EXT1: variants seen among roughly 807,000 people sequenced by gnomAD.
EXT1 encodes exostosin-1.
Under a neutral mutation model 82.5 loss-of-function variants are expected in EXT1, and 20 were observed. The observed-to-expected ratio is 0.24, with a 90% CI of 0.17 to 0.35. EXT1 has a LOEUF of 0.35. EXT1 is among the 10% of genes least tolerant of loss of function. EXT1 has a pLI of 1.00. For synonymous variants in EXT1, 348 were observed against 350.8 expected (o/e 0.99, Z 0.09); for missense variants, 757 against 936.5 (o/e 0.81, Z 2.50).
chr8:118,078,201 A>T (rs1384915833), intron 1 of EXT1, among the ~76,000 whole-genome samples: 1 of 151,894 alleles, frequency 6.6e-6, no homozygotes, highest in East Asian at 1.9e-4. Context: ...GTTTATTTTT[A>T]TTTTATTTTA....
intron 7 of EXT1, among the ~76,000 whole-genome samples, chr8:117,815,825 G>C (rs2129729069): frequency 1.3e-5 from 2 of 152,128 alleles, no homozygotes; most frequent in South Asian, 4.2e-4. Context: ...AGCTACTGAG[G>C]AGGCTGAGGC....
intron 1 of EXT1, among the ~76,000 whole-genome samples, chr8:118,025,528 A>G (rs1816187414): frequency 1.3e-5 from 2 of 152,178 alleles, no homozygotes. Flanking sequence ...CCAAAGGGCT[A>G]CTTTCGAAAG....
At chr8:118,078,821 A>G (rs1817258123) in intron 1 of EXT1, among the ~76,000 whole-genome samples, 1 of 152,220 alleles carries the variant, frequency 6.6e-6, no homozygotes, top group Non-Finnish European at 1.5e-5. Context: ...AAGAAAAAAA[A>G]AGTCTCAAGT....
chr8:117,883,991 T>G (rs1157287157), intron 1 of EXT1, among the ~76,000 whole-genome samples: 1 of 152,198 alleles, frequency 6.6e-6, no homozygotes, highest in Non-Finnish European at 1.5e-5. Context: ...GAGTGTCACT[T>G]GGGGATTTGG....
chr8:117,888,854 G>A (rs965373923), intron 1 of EXT1, among the ~76,000 whole-genome samples: 2 of 152,116 alleles, frequency 1.3e-5, no homozygotes, highest in African/African-American at 4.8e-5. Context: ...AACTATTATA[G>A]TAAGTAATGC....
intron 1 of EXT1, among the ~76,000 whole-genome samples, chr8:118,076,865 A>T (rs1364273889): frequency 6.6e-6 from 1 of 152,210 alleles, no homozygotes; most frequent in East Asian, 1.9e-4. Context: ...AAGAATTATT[A>T]ATGAGCAAAT....
intron 1 of EXT1, among the ~76,000 whole-genome samples, chr8:117,978,636 C>A (rs1171805397): frequency 1.3e-5 from 2 of 152,152 alleles, no homozygotes; most frequent in Non-Finnish European, 2.9e-5. Context: ...CCCAGGAAAG[C>A]CCAGAAAGGT....
chr8:117,964,481 C>T (rs57858101), intron 1 of EXT1, among the ~76,000 whole-genome samples: 2,986 of 152,250 alleles, frequency 0.02, 38 homozygotes, highest in Middle Eastern at 0.034. Context: ...AGAATATCTC[C>T]TCTTCTGGTT....
At chr8:117,974,889 C>T (rs1804390385) in intron 1 of EXT1, among the ~76,000 whole-genome samples, 1 of 152,170 alleles carries the variant, frequency 6.6e-6, no homozygotes, top group African/African-American at 2.4e-5. Flanking sequence ...ATGAAAAGCA[C>T]TGGGCTTAGT....
intron 1 of EXT1, among the ~76,000 whole-genome samples, chr8:118,073,705 A>AAGCGAAGAGAAGAGG (rs1817150273): frequency 9.7e-6 from 1 of 102,682 alleles, no homozygotes; most frequent in African/African-American, 3.3e-5. Context: ...AAGAGAAGAG[A>AAGCGAAGAGAAGAGG]AGCCTCTTAA....
chr8:118,077,048 T>C (rs1817226387), intron 1 of EXT1, among the ~76,000 whole-genome samples: 2 of 152,216 alleles, frequency 1.3e-5, no homozygotes, highest in South Asian at 4.1e-4. Context: ...AGTTCATTTT[T>C]CTTCCAAAAA....
At chr8:117,970,055 T>G (rs1364859940) in intron 1 of EXT1, among the ~76,000 whole-genome samples, 1 of 152,230 alleles carries the variant, frequency 6.6e-6, no homozygotes, top group African/African-American at 2.4e-5. Context: ...AACCACAGTT[T>G]CCTTTTGTGT....
intron 1 of EXT1, among the ~76,000 whole-genome samples, chr8:117,874,575 CAAAA>C (rs61249983): frequency 1.9e-4 from 13 of 69,776 alleles, no homozygotes; most frequent in African/African-American, 6.3e-4. Flanking sequence ...GACTCTGCCT[CAAAA>C]AAAAAAAAAA....
chr8:117,935,384 C>A (rs1814140744), intron 1 of EXT1, among the ~76,000 whole-genome samples: 1 of 147,606 alleles, frequency 6.8e-6, no homozygotes, highest in African/African-American at 2.5e-5. Context: ...GCAGTGACAT[C>A]ATCATGATTC....
rs374887549 is a variant in EXT1 at position 117,807,319 on chromosome 8, G to A, written c.1781C>T (p.Ala594Val). Reference protein sequence around the residue: ...SFPERIVGYPARSHFWDNSKE... With the variant: ...SFPERIVGYPVRSHFWDNSKE... Reference sequence around the variant, plus strand: ...AGAGTTATCCCAGAAGTGGCTGCGCGCGGGGTACCCCACAATCCTCTCAGG... The same window carrying A: ...AGAGTTATCCCAGAAGTGGCTGCGCACGGGGTACCCCACAATCCTCTCAGG... The change falls in exon 9 of 11, where the codon GCG becomes GTG. Residue 594 changes from alanine (A) to valine (V), a missense_variant. Physicochemically the swap from Ala to Val is moderately conservative, Grantham distance 64 (BLOSUM62 0). Transcript: ENST00000378204. 2 of 1,614,144 alleles carry A rather than the reference G, an allele frequency of 1.2e-6. No individual in the cohort carries two copies. The highest frequency in any genetic ancestry group is 1.7e-6 in the Non-Finnish European group (2 of 1,180,024).
intron 1 of EXT1, among the ~76,000 whole-genome samples, chr8:118,103,600 C>T (rs1385177232): frequency 6.6e-6 from 1 of 152,128 alleles, no homozygotes; most frequent in East Asian, 1.9e-4. Flanking sequence ...CTACCTGGGG[C>T]AGCAGTCACT....
At chr8:117,897,727 TG>T (rs1048493735) in intron 1 of EXT1, among the ~76,000 whole-genome samples, 182 of 150,474 alleles carry the variant, frequency 1.2e-3, no homozygotes, top group African/African-American at 4.2e-3. Context: ...TCCGAGTAGC[TG>T]GGATTACAGG....
At chr8:117,904,536 G>A (rs1329408789) in intron 1 of EXT1, among the ~76,000 whole-genome samples, 1 of 152,098 alleles carries the variant, frequency 6.6e-6, no homozygotes, top group Non-Finnish European at 1.5e-5. Flanking sequence ...AATATCATAG[G>A]AGCCGGTACT....
chr8:117,938,709 T>C lies in EXT1; in HGVS notation c.963-101508A>G, dbSNP rs528298307. Among the ~76,000 whole-genome samples, 17 of 152,284 alleles carry C rather than the reference T, an allele frequency of 1.1e-4. No individual in the cohort carries two copies. The East Asian group carries it at 3.3e-3, about 29-fold the overall frequency. On this transcript the variant is annotated intron_variant, in intron 1 of 10. Transcript: ENST00000378204. ...GATGAGCAGTTATTTTTCTTTACAA[T>C]GGTAAAAAGGAGTGTGCCAATCTCT...
Sources: gnomAD v4.1 joint callset for allele counts (sites outside exome capture counted in the v4.1 genomes callset) on GRCh38, gnomAD v4.1.1 for gene constraint, MANE v1.5 for transcripts, NCBI Gene and HGNC (gene_info 2026-07-23, HGNC 2026-07-21) for gene names.